The following FOXJ3 variants were observed in gnomAD, a reference collection of about 807,000 sequenced individuals.
FOXJ3 encodes the protein forkhead box J3, also known as forkhead box protein J3.
FOXJ3 carries 22 observed loss-of-function variants against 76.1 expected under a neutral mutation model. The observed-to-expected ratio is 0.29, with a 90% CI of 0.21 to 0.41. The LOEUF (loss-of-function observed/expected upper bound fraction) is 0.41, where lower values mean the gene tolerates loss of function less well. FOXJ3 is among the 10% of genes least tolerant of loss of function. The pLI is 1.00. For missense variants in FOXJ3, 613 were observed against 762.1 expected (o/e 0.80, Z 2.30); for synonymous variants, 269 against 261.2 (o/e 1.03, Z -0.29).
At chr1:42,248,174 T>C (rs183427331) in intron 4 of FOXJ3, among the ~76,000 whole-genome samples, 9 of 152,304 alleles carry the variant, frequency 5.9e-5, no homozygotes, top group African/African-American at 2.2e-4. Flanking sequence ...GAAAATGTCC[T>C]GAAATTTGGT....
intron 2 of FOXJ3, among the ~76,000 whole-genome samples, chr1:42,305,672 G>A (rs982529518): frequency 5.3e-5 from 8 of 152,086 alleles, no homozygotes; most frequent in East Asian, 1.9e-4. Flanking sequence ...AAAACAACTC[G>A]GAGATAGAGA....
At position 42,278,574 on chromosome 1, in the gene FOXJ3, G is replaced by A. The variant is rs758772031; in HGVS notation, c.143C>T (p.Ala48Val). 6.2e-7 allele frequency: 1 copy of A among 1,614,120 alleles called. No homozygotes were observed. Among genetic ancestry groups the A allele is most frequent in the East Asian group, 2.2e-5 (1 of 44,876 alleles). ...CTTCTTAGAAATTCCTGTTCCATGT[G>A]CATTTTGTGTAGCATCAGATTTTTG... is the stretch of plus-strand genomic sequence containing the variant. ...AIQKSDATQN[A>V]HGTGISKKNA... Residue 48 changes from alanine to valine, a missense_variant, in exon 3 of 13, where the codon GCA (alanine) becomes GTA (valine). By Grantham distance (64) the Ala-to-Val change is moderately conservative. This residue lies in a region of FOXJ3 where 77 missense variants were observed against 115.1 expected (regional missense o/e 0.67). Transcript: ENST00000361346.
intron 5 of FOXJ3, among the ~76,000 whole-genome samples, chr1:42,220,371 T>C (rs1569916301): frequency 6.6e-6 from 1 of 152,050 alleles, no homozygotes; most frequent in East Asian, 1.9e-4. Context: ...GGGCTAGGAA[T>C]TGAAAATCCA....
At chr1:42,231,343 A>G (rs766676287) in intron 4 of FOXJ3, among the ~76,000 whole-genome samples, 1 of 152,020 alleles carries the variant, frequency 6.6e-6, no homozygotes, top group Non-Finnish European at 1.5e-5. Context: ...GAAACCAAAC[A>G]AACAAAAAAA....
chr1:42,218,106 T>G (rs143781891), intron 5 of FOXJ3, among the ~76,000 whole-genome samples: 1 of 152,346 alleles, frequency 6.6e-6, no homozygotes, highest in Non-Finnish European at 1.5e-5. Flanking sequence ...AGAGTAGGCA[T>G]GTAGATTGCA....
chr1:42,316,387 T>C (rs996547153), intron 1 of FOXJ3, among the ~76,000 whole-genome samples: 1 of 147,036 alleles, frequency 6.8e-6, no homozygotes, highest in Admixed American at 7.0e-5. Flanking sequence ...TCCAAACTGA[T>C]GTCAAACTCC....
At chr1:42,230,330 A>T (rs59350106) in intron 4 of FOXJ3, among the ~76,000 whole-genome samples, 2,138 of 152,180 alleles carry the variant, frequency 0.014, 58 homozygotes, top group African/African-American at 0.048. Context: ...CATGTCTATG[A>T]TCAAAAAAAA....
intron 4 of FOXJ3, among the ~76,000 whole-genome samples, chr1:42,245,627 A>C (rs1469827188): frequency 6.6e-6 from 1 of 152,228 alleles, no homozygotes; most frequent in African/African-American, 2.4e-5. Flanking sequence ...ACGTCATTTC[A>C]TAAGAATTCT....
At chr1:42,196,983 T>C (rs1646663643) in intron 7 of FOXJ3, among the ~76,000 whole-genome samples, 1 of 152,222 alleles carries the variant, frequency 6.6e-6, no homozygotes, top group African/African-American at 2.4e-5. Flanking sequence ...CACTTTGTCA[T>C]TATTATTTAA....
At chr1:42,216,014 T>C (rs1022306630) in intron 5 of FOXJ3, among the ~76,000 whole-genome samples, 4 of 151,890 alleles carry the variant, frequency 2.6e-5, no homozygotes, top group African/African-American at 9.7e-5. Flanking sequence ...ATATAACATA[T>C]CATATACATA....
chr1:42,332,456 GTAAA>G (rs1054440840), intron 1 of FOXJ3, among the ~76,000 whole-genome samples: 1 of 152,176 alleles, frequency 6.6e-6, no homozygotes, highest in African/African-American at 2.4e-5. Context: ...CATACAGTAA[GTAAA>G]TGTTAGCTAT....
chr1:42,313,468 G>A (rs1318566451), intron 1 of FOXJ3, among the ~76,000 whole-genome samples: 1 of 152,018 alleles, frequency 6.6e-6, no homozygotes, highest in Non-Finnish European at 1.5e-5. Flanking sequence ...ACCTAAGCCT[G>A]GAAAAATTCC....
chr1:42,211,296 G>A lies in FOXJ3; in HGVS notation c.529-5433C>T, dbSNP rs528575775. Among the ~76,000 whole-genome samples, 4 of 152,218 alleles carry A rather than the reference G, an allele frequency of 2.6e-5. No homozygotes were observed. In the South Asian group the frequency reaches 8.3e-4, roughly 32 times the overall value. On this transcript the variant is annotated intron_variant, in intron 5 of 12. Transcript: ENST00000361346. ...GTGCCCTCCAGATTCAGGCTTCCATGAGAGGTAGAGTCATAATCCCTCTTT... is the reference window on the plus strand; with the variant it reads ...GTGCCCTCCAGATTCAGGCTTCCATAAGAGGTAGAGTCATAATCCCTCTTT...
chr1:42,314,320 G>A (rs757663285), intron 1 of FOXJ3, among the ~76,000 whole-genome samples: 9 of 152,070 alleles, frequency 5.9e-5, no homozygotes, highest in African/African-American at 1.9e-4. Flanking sequence ...GCGCCAACTC[G>A]GCTCACTGCA....
At chr1:42,295,943 C>T (rs1318727093) in intron 2 of FOXJ3, among the ~76,000 whole-genome samples, 1 of 152,162 alleles carries the variant, frequency 6.6e-6, no homozygotes, top group Non-Finnish European at 1.5e-5. Flanking sequence ...CATAGTTTTC[C>T]ACAGAGGTTG....
intron 3 of FOXJ3, among the ~76,000 whole-genome samples, chr1:42,269,215 A>G: frequency 6.6e-6 from 1 of 152,328 alleles, no homozygotes. Context: ...ATCATAAAAA[A>G]TACACAATTC....
chr1:42,208,857 A>T (rs146828574), intron 5 of FOXJ3, among the ~76,000 whole-genome samples: 36 of 152,382 alleles, frequency 2.4e-4, no homozygotes, highest in African/African-American at 8.7e-4. Flanking sequence ...CACGTTCAGA[A>T]CACTTACACA....
chr1:42,250,660 T>C (rs1178486067), intron 4 of FOXJ3, among the ~76,000 whole-genome samples: 1 of 151,664 alleles, frequency 6.6e-6, no homozygotes, highest in Non-Finnish European at 1.5e-5. Context: ...CTACTAAAAA[T>C]ACAAAATTAG....
intron 2 of FOXJ3, among the ~76,000 whole-genome samples, chr1:42,279,839 T>C (rs1652564819): frequency 6.6e-6 from 1 of 152,056 alleles, no homozygotes; most frequent in African/African-American, 2.4e-5. Context: ...TCTTTTGACT[T>C]AAAAGTCAAA....
Sources: allele counts gnomAD v4.1 joint callset (sites outside exome capture counted in the v4.1 genomes callset), GRCh38; gene constraint gnomAD v4.1.1; regional missense constraint gnomAD v4.1.1; transcripts MANE v1.5; gene names NCBI Gene and HGNC (gene_info 2026-07-23, HGNC 2026-07-21).